RABGAP1L: variants seen among roughly 807,000 people sequenced by gnomAD.
RABGAP1L encodes the protein RAB GTPase activating protein 1 like.
In RABGAP1L, 63 loss-of-function variants were observed where a neutral mutation model predicts 137.7. The ratio of observed to expected loss-of-function variants is 0.46; its 90% CI spans 0.37 to 0.56. RABGAP1L has a LOEUF of 0.56. RABGAP1L is among the 20% of genes least tolerant of loss of function. The pLI is 0.00. For synonymous variants in RABGAP1L, 431 were observed against 433.7 expected, an observed-to-expected ratio of 0.99 and a Z score of 0.08; for missense variants, 1,095 against 1,244.0, an observed-to-expected ratio of 0.88 and a Z score of 1.80.
chr1:174,971,179 C>A (rs955418786), intron 21 of RABGAP1L, among the ~76,000 whole-genome samples: 5 of 151,282 alleles, frequency 3.3e-5, no homozygotes, highest in Non-Finnish European at 7.4e-5. Flanking sequence ...AATTACTTAA[C>A]CACCATAGGT....
At chr1:174,948,023 G>A (rs1457000782) in intron 19 of RABGAP1L, among the ~76,000 whole-genome samples, 3 of 151,972 alleles carry the variant, frequency 2.0e-5, no homozygotes, top group Admixed American at 2.0e-4. Flanking sequence ...TCTCTAGCCT[G>A]TCTCTTCTCC....
At chr1:174,196,212 CTTCT>C (rs994459953) in intron 1 of RABGAP1L, among the ~76,000 whole-genome samples, 10 of 148,336 alleles carry the variant, frequency 6.7e-5, no homozygotes, top group South Asian at 2.1e-4. Flanking sequence ...AGCATTTGTA[CTTCT>C]TTCTTTCTTT....
chr1:174,898,095 G>A (rs191268601), intron 19 of RABGAP1L: 12 of 152,162 alleles, frequency 7.9e-5, no homozygotes, highest in East Asian at 3.9e-4. Context: ...AAGTTGAGAC[G>A]AAACAGAACT....
At chr1:174,893,478 A>C (rs776979110) in intron 19 of RABGAP1L, among the ~76,000 whole-genome samples, 1 of 152,220 alleles carries the variant, frequency 6.6e-6, no homozygotes, top group Non-Finnish European at 1.5e-5. Context: ...GATTCCTCCT[A>C]GGAAGAAAGA....
chr1:174,763,278 G>A (rs967007525), intron 18 of RABGAP1L, among the ~76,000 whole-genome samples: 3 of 152,060 alleles, frequency 2.0e-5, no homozygotes, highest in Non-Finnish European at 4.4e-5. Flanking sequence ...CAGCACTTTG[G>A]GAGGCTGAGG....
chr1:174,590,351 T>A (rs1377337613), intron 13 of RABGAP1L, among the ~76,000 whole-genome samples: 5 of 140,578 alleles, frequency 3.6e-5, no homozygotes, highest in African/African-American at 7.8e-5. Context: ...TTTTTTTATT[T>A]ATTTTTTTTT....
chr1:174,278,477 A>G, intron 9 of RABGAP1L, 136 bp from the exon 10 acceptor site: 1 of 650,226 alleles, frequency 1.5e-6, no homozygotes, highest in Non-Finnish European at 2.6e-6. Flanking sequence ...CAAAATGTGA[A>G]TAGAACAGTT....
chr1:174,161,205 A>G (rs1664408935), intron 1 of RABGAP1L, among the ~76,000 whole-genome samples: 1 of 146,300 alleles, frequency 6.8e-6, no homozygotes, highest in African/African-American at 2.6e-5. Context: ...TGTAGCCTAC[A>G]TTTGCTCTGA....
chr1:174,507,163 A>G (rs1661898908), intron 13 of RABGAP1L, among the ~76,000 whole-genome samples: 1 of 152,238 alleles, frequency 6.6e-6, no homozygotes, highest in Admixed American at 6.5e-5. Context: ...TTCACCTAAA[A>G]TGAGTAAGAG....
chr1:174,548,456 A>G (rs1409494111), intron 13 of RABGAP1L: 20 of 932,190 alleles, frequency 2.1e-5, no homozygotes, highest in Non-Finnish European at 2.6e-5. Flanking sequence ...ATATCATATT[A>G]TATGCCTAAG....
At chr1:174,436,744 A>C (rs1653373096) in intron 13 of RABGAP1L, among the ~76,000 whole-genome samples, 1 of 152,114 alleles carries the variant, frequency 6.6e-6, no homozygotes, top group Non-Finnish European at 1.5e-5. Flanking sequence ...CCTATGCTTG[A>C]GATCTCAGAA....
chr1:174,176,947 G>A (rs1012347428), intron 1 of RABGAP1L, among the ~76,000 whole-genome samples: 1 of 151,594 alleles, frequency 6.6e-6, no homozygotes, highest in African/African-American at 2.4e-5. Flanking sequence ...ATGGTGGTGG[G>A]CGCCTGTAAT....
At chr1:174,333,813 A>T (rs1180396295) in intron 11 of RABGAP1L, among the ~76,000 whole-genome samples, 2 of 152,170 alleles carry the variant, frequency 1.3e-5, no homozygotes, top group East Asian at 3.8e-4. Flanking sequence ...GCGTGGAACA[A>T]CCCTATGTTT....
At chr1:174,449,747 A>G (rs1383156840) in intron 13 of RABGAP1L, among the ~76,000 whole-genome samples, 1 of 152,170 alleles carries the variant, frequency 6.6e-6, no homozygotes, top group Non-Finnish European at 1.5e-5. Context: ...GCATTTTATT[A>G]TTTGCCAAAC....
At chr1:174,590,346 TTA>T (rs1491020231) in intron 13 of RABGAP1L, among the ~76,000 whole-genome samples, 5 of 133,002 alleles carry the variant, frequency 3.8e-5, no homozygotes, top group Non-Finnish European at 3.3e-5. Flanking sequence ...CTTTTTTTTT[TTA>T]TTTATTTTTT....
chr1:174,267,659 T>C (rs746772580), intron 7 of RABGAP1L, among the ~76,000 whole-genome samples: 3 of 152,194 alleles, frequency 2.0e-5, no homozygotes, highest in Non-Finnish European at 2.9e-5. Flanking sequence ...GTATTGTAAA[T>C]TATATGAGAA....
At chr1:174,621,562 A>G (rs1429049538) in intron 13 of RABGAP1L, among the ~76,000 whole-genome samples, 1 of 152,184 alleles carries the variant, frequency 6.6e-6, no homozygotes, top group Non-Finnish European at 1.5e-5. Context: ...TATCTAAACC[A>G]TCTGATCTTT....
rs992093383 is a variant in RABGAP1L, at chr1:174,993,090, A to G, written c.*3089A>G. On this transcript the variant is annotated 3_prime_UTR_variant, in exon 26 of 26. Coordinates refer to ENST00000681986, the MANE Select transcript of RABGAP1L (RefSeq NM_001366446.1). ...CTTGAGAATCTAAACACGTCTTTAA[A>G]TCTGAAAGAAACCAAGCTGGATTTT... The G allele has an allele frequency of 6.6e-6, 1 of 152,246 alleles. No homozygotes were observed. Among genetic ancestry groups the G allele is most frequent in the African/African-American group, 2.4e-5 (1 of 41,466 alleles). 9.4% of individuals were successfully genotyped at this position (152,246 alleles called of 1,614,324 possible). A position where few individuals can be genotyped will look rare whatever the true frequency, so the allele number is the denominator to read the frequency against.
intron 17 of RABGAP1L, among the ~76,000 whole-genome samples, chr1:174,746,934 A>G (rs576954334): frequency 1.3e-5 from 2 of 152,224 alleles, no homozygotes; most frequent in Admixed American, 6.5e-5. Flanking sequence ...ACCTTGTACT[A>G]TAAATGATAA....
Sources: allele counts gnomAD v4.1 joint callset (sites outside exome capture counted in the v4.1 genomes callset), GRCh38; gene constraint gnomAD v4.1.1; transcripts MANE v1.5; gene names NCBI Gene and HGNC (gene_info 2026-07-23, HGNC 2026-07-21).